The following B3GLCT variants were observed in gnomAD, a reference collection of about 807,000 sequenced individuals.
B3GLCT encodes beta-1,3-glucosyltransferase.
Under a neutral mutation model 63.4 loss-of-function variants are expected in B3GLCT, and 65 were observed. The ratio of observed to expected loss-of-function variants is 1.03; its 90% confidence interval spans 0.84 to 1.26. The LOEUF is 1.26. Ranked by LOEUF, B3GLCT falls within the 50% of genes most tolerant of loss-of-function variation. The pLI, the probability that B3GLCT is intolerant of heterozygous loss-of-function variation, is 0.00. For synonymous variants in B3GLCT, 233 were observed against 219.2 expected (o/e 1.06, Z -0.55); for missense variants, 577 against 604.8 (o/e 0.95, Z 0.48).
intron 3 of B3GLCT, among the ~76,000 whole-genome samples, chr13:31,223,378 G>A (rs1157063783): frequency 6.6e-6 from 1 of 152,170 alleles, no homozygotes; most frequent in East Asian, 1.9e-4. Context: ...TGTGACATTA[G>A]CGCAGGCCGT....
At chr13:31,298,601 T>C (rs1204110148) in intron 12 of B3GLCT, among the ~76,000 whole-genome samples, 1 of 152,224 alleles carries the variant, frequency 6.6e-6, no homozygotes, top group Admixed American at 6.5e-5. Flanking sequence ...TATTCATTCC[T>C]TTACCCTCAA....
At chr13:31,281,006 G>A (rs1207961217) in intron 10 of B3GLCT, among the ~76,000 whole-genome samples, 1 of 152,166 alleles carries the variant, frequency 6.6e-6, no homozygotes, top group Non-Finnish European at 1.5e-5. Context: ...CAACTTGATT[G>A]CTTCCTCTTG....
At chr13:31,223,449 T>G (rs923970092) in intron 3 of B3GLCT, among the ~76,000 whole-genome samples, 9 of 152,158 alleles carry the variant, frequency 5.9e-5, no homozygotes, top group African/African-American at 1.9e-4. Flanking sequence ...AGGAGTCAGC[T>G]CACCAGTCAC....
intron 12 of B3GLCT, among the ~76,000 whole-genome samples, chr13:31,302,271 C>T (rs374292104): frequency 6.6e-6 from 1 of 152,204 alleles, no homozygotes; most frequent in Non-Finnish European, 1.5e-5. Flanking sequence ...GGATAACGGT[C>T]ATATTCAGTG....
intron 4 of B3GLCT, among the ~76,000 whole-genome samples, chr13:31,231,079 C>T (rs1208426526): frequency 1.3e-5 from 2 of 151,936 alleles, no homozygotes; most frequent in African/African-American, 4.8e-5. Flanking sequence ...CTAAATCTTC[C>T]TGGATTTTAT....
intron 12 of B3GLCT, among the ~76,000 whole-genome samples, chr13:31,302,365 A>C (rs1305628532): frequency 6.6e-6 from 1 of 151,880 alleles, no homozygotes; most frequent in Non-Finnish European, 1.5e-5. Context: ...TACAGCTCCC[A>C]GCGTGAGCGA....
At chr13:31,272,965 A>G (rs916418776) in intron 8 of B3GLCT, among the ~76,000 whole-genome samples, 1 of 152,036 alleles carries the variant, frequency 6.6e-6, no homozygotes, top group African/African-American at 2.4e-5. Context: ...AATTCTCTCA[A>G]TATTTTTTCT....
At chr13:31,313,121 T>G (rs554267466) in intron 12 of B3GLCT, among the ~76,000 whole-genome samples, 1 of 152,336 alleles carries the variant, frequency 6.6e-6, no homozygotes, top group East Asian at 1.9e-4. Flanking sequence ...AGCTTTAGCT[T>G]TATTAGCTAG....
intron 12 of B3GLCT, among the ~76,000 whole-genome samples, chr13:31,314,487 C>T (rs1459791094): frequency 1.3e-5 from 2 of 152,160 alleles, no homozygotes; most frequent in African/African-American, 4.8e-5. Context: ...TTGACTGTAC[C>T]ACTGGATTTT....
At chr13:31,261,134 T>G (rs1303367923) in intron 7 of B3GLCT, 52 bp downstream of exon 7, 3 of 1,588,740 alleles carry the variant, frequency 1.9e-6, no homozygotes, top group Non-Finnish European at 2.6e-6. Flanking sequence ...TGCATCAACT[T>G]TAATTTCATT....
intron 4 of B3GLCT, among the ~76,000 whole-genome samples, 165 bp downstream of exon 4, chr13:31,229,459 C>G (rs550227339): frequency 2.0e-5 from 3 of 152,214 alleles, no homozygotes; most frequent in African/African-American, 7.2e-5. Flanking sequence ...GAAAATGTTT[C>G]GGTCAGCTGG....
chr13:31,287,340 G>A (rs903509539), intron 12 of B3GLCT, among the ~76,000 whole-genome samples: 5 of 152,174 alleles, frequency 3.3e-5, no homozygotes, highest in African/African-American at 1.2e-4. Context: ...CCAGATTAGA[G>A]GGAATTGTGC....
chr13:31,203,267 G>C (rs149000608), intron 1 of B3GLCT, among the ~76,000 whole-genome samples: 9 of 152,194 alleles, frequency 5.9e-5, no homozygotes, highest in African/African-American at 2.2e-4. Flanking sequence ...TATTTCTTAA[G>C]CAGTATGCAG....
At chr13:31,293,899 T>G (rs1332120032) in intron 12 of B3GLCT, among the ~76,000 whole-genome samples, 1 of 152,190 alleles carries the variant, frequency 6.6e-6, no homozygotes, top group Non-Finnish European at 1.5e-5. Flanking sequence ...TTCTTCATAG[T>G]GTCGAAGGTC....
chr13:31,314,376 A>C (rs1874882304), intron 12 of B3GLCT, among the ~76,000 whole-genome samples: 1 of 152,218 alleles, frequency 6.6e-6, no homozygotes, highest in South Asian at 2.1e-4. Context: ...GCAAAGCCAC[A>C]GGAGAAGGGC....
At chr13:31,325,948 A>T (rs1466307459) in intron 14 of B3GLCT, among the ~76,000 whole-genome samples, 1 of 152,012 alleles carries the variant, frequency 6.6e-6, no homozygotes, top group Non-Finnish European at 1.5e-5. Flanking sequence ...TTAGAAGGGG[A>T]CTCCAGGGAA....
chr13:31,228,195 C>G (rs1243601870), intron 3 of B3GLCT, among the ~76,000 whole-genome samples: 1 of 130,974 alleles, frequency 7.6e-6, no homozygotes, highest in Non-Finnish European at 1.6e-5. Context: ...CGCTAAAGCC[C>G]TGTTGCTGAG....
chr13:31,251,033 T>A (rs4943272), intron 6 of B3GLCT, among the ~76,000 whole-genome samples: 1 of 151,960 alleles, frequency 6.6e-6, no homozygotes, highest in Non-Finnish European at 1.5e-5. Flanking sequence ...CAGCAATCTT[T>A]GTGGTTCTGC....
At chr13:31,263,444 A>C (rs756681845) in intron 7 of B3GLCT, among the ~76,000 whole-genome samples, 4 of 152,180 alleles carry the variant, frequency 2.6e-5, no homozygotes, top group Non-Finnish European at 4.4e-5. Context: ...TATGGCTGAC[A>C]TGCTGGCATT....
Sources: gnomAD v4.1 joint callset for allele counts (sites outside exome capture counted in the v4.1 genomes callset) on GRCh38, gnomAD v4.1.1 for gene constraint, MANE v1.5 for transcripts, NCBI Gene and HGNC (gene_info 2026-07-23, HGNC 2026-07-21) for gene names.